Variants in KPNB1 observed in about 807,000 individuals in gnomAD.
The protein encoded by KPNB1 is importin subunit beta-1.
In KPNB1, 7 loss-of-function variants were observed where a neutral mutation model predicts 113.0. The observed-to-expected ratio is 0.06, with a 90% CI of 0.04 to 0.12. The LOEUF is 0.12. Among genes scored for constraint, KPNB1 ranks in the 10% least tolerant of loss-of-function variants. The probability of loss-of-function intolerance (pLI) is 1.00; values close to 1 mark genes in which losing one functional copy is unlikely to be tolerated. For synonymous variants in KPNB1, 363 were observed against 378.6 expected (o/e 0.96, Z 0.48); for missense variants, 400 against 1,054.8 (o/e 0.38, Z 8.60).
intron 3 of KPNB1, 45 bp from the exon 4 acceptor site, chr17:47,656,815 A>G: frequency 6.3e-7 from 1 of 1,589,362 alleles, no homozygotes; most frequent in Non-Finnish European, 8.6e-7. Flanking sequence ...AATGTGGTCA[A>G]ATAGTGTTAG....
chr17:47,677,984 T>C, intron 17 of KPNB1, 62 bp from the exon 18 acceptor site: 1 of 1,497,876 alleles, frequency 6.7e-7, no homozygotes, highest in Non-Finnish European at 9.2e-7. Context: ...AATGAAATTT[T>C]CATGAATCTT....
At chr17:47,668,509 A>G in intron 10 of KPNB1, 99 bp downstream of exon 10, 1 of 906,658 alleles carries the variant, frequency 1.1e-6, no homozygotes. Context: ...ATTGTCATCT[A>G]CAAAGATTAT....
chr17:47,659,928 G>GTA (rs1037516090), intron 5 of KPNB1, among the ~76,000 whole-genome samples: 2 of 151,742 alleles, frequency 1.3e-5, no homozygotes, highest in African/African-American at 2.4e-5. Flanking sequence ...ATATGTATAT[G>GTA]TATGTGTATG....
At chr17:47,650,327 G>A (rs1365697628) in intron 1 of KPNB1, 43 bp downstream of exon 1, 1 of 1,611,148 alleles carries the variant, frequency 6.2e-7, no homozygotes, top group Non-Finnish European at 8.5e-7. Flanking sequence ...TGATTGGGGT[G>A]GGGGAGGGGA....
At chr17:47,653,292 T>TTTTTTGG (rs1915630592) in intron 3 of KPNB1, among the ~76,000 whole-genome samples, 2 of 150,092 alleles carry the variant, frequency 1.3e-5, no homozygotes, top group African/African-American at 2.5e-5. Context: ...TTTTTTTTTT[T>TTTTTTGG]GGAGACAGTC....
chr17:47,666,517 TTTA>T (rs945731068), intron 9 of KPNB1, among the ~76,000 whole-genome samples: 33 of 138,522 alleles, frequency 2.4e-4, no homozygotes, highest in African/African-American at 8.2e-4. Context: ...TATATTATAT[TTTA>T]TATGTATTAT....
chr17:47,676,773 TA>T (rs1410066680), intron 16 of KPNB1, among the ~76,000 whole-genome samples: 2 of 149,110 alleles, frequency 1.3e-5, no homozygotes, highest in Non-Finnish European at 3.0e-5. Flanking sequence ...GGAGCAGCTA[TA>T]AAGTTGAGCT....
intron 3 of KPNB1, 44 bp downstream of exon 3, chr17:47,652,920 G>C: frequency 1.4e-6 from 2 of 1,436,894 alleles, no homozygotes; most frequent in Non-Finnish European, 1.9e-6. Flanking sequence ...CAGAGAACAA[G>C]AAATCGCTTT....
intron 12 of KPNB1, among the ~76,000 whole-genome samples, chr17:47,672,108 T>C (rs887527915): frequency 7.3e-5 from 11 of 151,714 alleles, no homozygotes; most frequent in African/African-American, 2.7e-4. Flanking sequence ...TGGGTTCAAG[T>C]GATTCTCGTA....
At chr17:47,678,874 C>A (rs189600658) in intron 19 of KPNB1, among the ~76,000 whole-genome samples, 47 of 152,116 alleles carry the variant, frequency 3.1e-4, no homozygotes, top group African/African-American at 1.0e-3. Context: ...TCCCAAAGTG[C>A]TGGGATTACA....
At chr17:47,656,282 C>T in intron 3 of KPNB1, among the ~76,000 whole-genome samples, 1 of 151,292 alleles carries the variant, frequency 6.6e-6, no homozygotes, top group East Asian at 2.0e-4. Flanking sequence ...AATTCTGAGA[C>T]AGCTGCCTGG....
intron 5 of KPNB1, among the ~76,000 whole-genome samples, chr17:47,659,702 T>C (rs928696592): frequency 2.9e-4 from 44 of 152,160 alleles, no homozygotes; most frequent in Admixed American, 3.9e-4. Context: ...ATAAAAATTA[T>C]AGCAATTGGT....
intron 12 of KPNB1, among the ~76,000 whole-genome samples, chr17:47,672,383 G>C (rs949570485): frequency 4.0e-5 from 6 of 151,802 alleles, no homozygotes; most frequent in African/African-American, 1.5e-4. Context: ...TTTTTTAAAT[G>C]AATGAAGAAA....
chr17:47,670,963 T>G, intron 12 of KPNB1, 131 bp downstream of exon 12: 1 of 872,078 alleles, frequency 1.1e-6, no homozygotes, highest in Non-Finnish European at 1.7e-6. Context: ...CTAGAGGAAT[T>G]AAAAGAAACC....
chr17:47,661,155 G>T lies in KPNB1; in HGVS notation c.673G>T (p.Ala225Ser). 6.2e-7 allele frequency: 1 copy of T among 1,613,428 alleles called. No homozygotes were observed. Among genetic ancestry groups the T allele is most frequent in the Non-Finnish European group, 8.5e-7 (1 of 1,179,330 alleles). Residue 225 changes from alanine (A) to serine (S), a missense_variant, in exon 6 of 22, where the codon GCC becomes TCC. Physicochemically the swap from Ala to Ser is moderately conservative, Grantham distance 99. Transcript: ENST00000290158. Reference protein sequence around the residue: ...RHFIMQVVCEATQCPDTRVRV... With the variant: ...RHFIMQVVCESTQCPDTRVRV... The stretch of plus-strand genomic sequence containing the variant: ...CTTTATTATGCAGGTGGTCTGTGAA[G>T]CCACACAGTGTCCAGATACGAGGGT...
chr17:47,680,770 T>G, intron 21 of KPNB1, 101 bp downstream of exon 21: 1 of 1,258,304 alleles, frequency 7.9e-7, no homozygotes, highest in Middle Eastern at 1.9e-4. Flanking sequence ...TGGCATTTTT[T>G]TTGTTTGTAC....
chr17:47,661,532 G>A (rs1017568995), intron 6 of KPNB1, among the ~76,000 whole-genome samples: 3 of 152,186 alleles, frequency 2.0e-5, no homozygotes, highest in Non-Finnish European at 2.9e-5. Context: ...AACCTGGGAG[G>A]TGGAGGTTGC....
At chr17:47,675,354 A>AGGT (rs2030564075) in intron 15 of KPNB1, among the ~76,000 whole-genome samples, 1 of 112,962 alleles carries the variant, frequency 8.9e-6, no homozygotes, top group Non-Finnish European at 1.9e-5. Context: ...AGATTGGCAG[A>AGGT]GGTGTTGTTT....
At chr17:47,673,813 C>G in intron 14 of KPNB1, 1 of 474,604 alleles carries the variant, frequency 2.1e-6, no homozygotes, top group South Asian at 2.9e-5. Flanking sequence ...AAAATCAAAC[C>G]AACTTGACTT....
Sources: allele counts gnomAD v4.1 joint callset (sites outside exome capture counted in the v4.1 genomes callset), GRCh38; gene constraint gnomAD v4.1.1; transcripts MANE v1.5; gene names NCBI Gene and HGNC (gene_info 2026-07-23, HGNC 2026-07-21).